Variants in SMYD2 observed in about 807,000 individuals in gnomAD.
The protein encoded by SMYD2 is N-lysine methyltransferase SMYD2.
A neutral mutation model predicts 59.1 loss-of-function variants in SMYD2; 53 were observed. The observed-to-expected ratio is 0.90, with a 90% CI of 0.72 to 1.13. The LOEUF (loss-of-function observed/expected upper bound fraction) is 1.13, where lower values mean the gene tolerates loss of function less well. Ranked by LOEUF, SMYD2 falls within the 50% of genes most tolerant of loss-of-function variation. The pLI is 0.00. For missense variants in SMYD2, 494 were observed against 544.7 expected (o/e 0.91, Z 0.93); for synonymous variants, 208 against 198.8 (o/e 1.05, Z -0.39).
intron 1 of SMYD2, among the ~76,000 whole-genome samples, chr1:214,294,774 G>A (rs914712672): frequency 2.0e-5 from 3 of 152,212 alleles, no homozygotes; most frequent in Non-Finnish European, 2.9e-5. Flanking sequence ...ACCTGACCAT[G>A]TTCTGGGAAC....
chr1:214,330,061 C>T (rs1010591552), intron 7 of SMYD2, 107 bp from the exon 8 acceptor site: 8 of 627,726 alleles, frequency 1.3e-5, no homozygotes, highest in African/African-American at 3.7e-5. Context: ...CGCTGCAGCC[C>T]GCCTTATCCT....
chr1:214,327,387 TTAGA>T (rs753260505), intron 6 of SMYD2: 5 of 452,952 alleles, frequency 1.1e-5, no homozygotes, highest in African/African-American at 5.9e-5. Context: ...TGGTTTTGGC[TTAGA>T]TAGTACTTGA....
At chr1:214,316,001 A>C (rs1472188310) in intron 3 of SMYD2, among the ~76,000 whole-genome samples, 1 of 152,182 alleles carries the variant, frequency 6.6e-6, no homozygotes, top group African/African-American at 2.4e-5. Context: ...TAGACACCTA[A>C]TCTTCGAAGG....
At chr1:214,333,375 C>A (rs1381157940) in intron 10 of SMYD2, 1 of 152,266 alleles carries the variant, frequency 6.6e-6, no homozygotes, top group African/African-American at 2.4e-5. Flanking sequence ...CAGCTCTGGT[C>A]TTCTGTGGGG....
At position 214,334,199 on chromosome 1, in the gene SMYD2, G is replaced by C. The variant is rs747056973; in HGVS notation, c.1113-1G>C. 6.2e-7 allele frequency: 1 copy of C among 1,613,336 alleles called. No individual in the cohort carries two copies. The highest frequency in any genetic ancestry group is 8.5e-7 in the Non-Finnish European group (1 of 1,179,554). The stretch of plus-strand genomic sequence containing the variant: ...GCCTGTTGTCTCTTCTCTTGTTCTA[G>C]TAAGCACTATCCTTTGTACTCCCTC... On this transcript the variant is annotated splice_acceptor_variant, in intron 10 of 11. Coordinates refer to ENST00000366957, the MANE Select transcript of SMYD2 (RefSeq NM_020197.3). LOFTEE classifies it high-confidence loss of function.
intron 1 of SMYD2, among the ~76,000 whole-genome samples, chr1:214,281,750 C>G (rs1656453940): frequency 6.6e-6 from 1 of 152,244 alleles, no homozygotes; most frequent in Non-Finnish European, 1.5e-5. Flanking sequence ...AGGCTTGTTC[C>G]AAGCCTGGGC....
chr1:214,315,986 A>G (rs1657079730), intron 3 of SMYD2, among the ~76,000 whole-genome samples: 1 of 152,238 alleles, frequency 6.6e-6, no homozygotes, highest in Non-Finnish European at 1.5e-5. Context: ...TGATTGCATA[A>G]TAATTAGACA....
At chr1:214,281,452 C>G in intron 1 of SMYD2, 25 bp downstream of exon 1, 1 of 1,353,214 alleles carries the variant, frequency 7.4e-7, no homozygotes, top group South Asian at 2.0e-5. Flanking sequence ...GCGGCGGCGG[C>G]GGGCGGGAGC....
Position 214,281,298 on chromosome 1 carries a change from C to A in SMYD2, c.44C>A (p.Pro15Gln). 1.5e-6 allele frequency: 2 copies of A among 1,356,180 alleles called. No individual in the cohort carries two copies. Among genetic ancestry groups the A allele is most frequent in the South Asian group, 2.0e-5 (1 of 48,810 alleles). The allele number at this position is 1,356,180 out of a possible 1,614,324, so 84.0% of individuals were successfully genotyped here. A position where few individuals can be genotyped will look rare whatever the true frequency, so the allele number is the denominator to read the frequency against. Residue 15 changes from proline (P) to glutamine (Q), a missense_variant, in exon 1 of 12, where the codon CCG (proline) becomes CAG (glutamine). Transcript: ENST00000366957. ...GLGGLERFCSPGKGRGLRALQ... is the reference protein window; with the variant it reads ...GLGGLERFCSQGKGRGLRALQ... ...GGCGGCCTGGAGCGCTTCTGCAGCC[C>A]GGGCAAAGGCCGGGGGCTGCGGGCT...
At chr1:214,293,428 A>G (rs1333071430) in intron 1 of SMYD2, among the ~76,000 whole-genome samples, 2 of 152,196 alleles carry the variant, frequency 1.3e-5, no homozygotes, top group Non-Finnish European at 2.9e-5. Flanking sequence ...TTATTTTACA[A>G]TAATTTAATA....
At chr1:214,316,749 C>T (rs547703056) in intron 3 of SMYD2, among the ~76,000 whole-genome samples, 69 of 152,140 alleles carry the variant, frequency 4.5e-4, no homozygotes, top group African/African-American at 1.6e-3. Context: ...GCCAGCCAGC[C>T]GAGAGTAACA....
intron 9 of SMYD2, chr1:214,331,312 G>A: frequency 2.2e-6 from 1 of 463,688 alleles, no homozygotes; most frequent in Non-Finnish European, 3.9e-6. Context: ...TGTGGTGGAG[G>A]ACCATGAAGG....
chr1:214,307,495 G>A (rs911535649), intron 2 of SMYD2, among the ~76,000 whole-genome samples: 3 of 152,180 alleles, frequency 2.0e-5, no homozygotes, highest in African/African-American at 7.2e-5. Context: ...GAACTTGAGG[G>A]TGCTGATGGT....
rs78144874 is a variant in SMYD2, at chr1:214,321,994, G to A, written c.535-2647G>A. Among the ~76,000 whole-genome samples, 588 of 152,240 alleles carry A rather than the reference G, an allele frequency of 3.9e-3. 4 individuals are homozygous for A. Among genetic ancestry groups the A allele is most frequent in the African/African-American group, 0.013 (545 of 41,550 alleles). ...GCAGTCTTCCACAGTAAGAGGAGCC[G>A]GGAAGGGAATAAAGGGACTGATGGT... is the stretch of plus-strand genomic sequence containing the variant. On this transcript the variant is annotated intron_variant, in intron 5 of 11. Coordinates refer to ENST00000366957, the MANE Select transcript of SMYD2 (RefSeq NM_020197.3).
At chr1:214,302,281 G>A (rs574704167) in intron 1 of SMYD2, among the ~76,000 whole-genome samples, 1 of 151,232 alleles carries the variant, frequency 6.6e-6, no homozygotes, top group Non-Finnish European at 1.5e-5. Context: ...GGAGGCTGCA[G>A]TGAGCCAAGA....
At chr1:214,324,510 A>C (rs1657230480) in intron 5 of SMYD2, 131 bp from the exon 6 acceptor site, 2 of 754,044 alleles carry the variant, frequency 2.7e-6, no homozygotes, top group Admixed American at 5.5e-5. Flanking sequence ...ACATGGGCAA[A>C]AGAAAGGGTT....
chr1:214,316,355 C>A (rs1359414674), intron 3 of SMYD2, among the ~76,000 whole-genome samples: 1 of 152,042 alleles, frequency 6.6e-6, no homozygotes, highest in Admixed American at 6.6e-5. Context: ...GTGGTATACA[C>A]CTGTGGTCCC....
intron 1 of SMYD2, among the ~76,000 whole-genome samples, chr1:214,302,391 C>CT (rs1251072619): frequency 2.0e-5 from 3 of 151,760 alleles, no homozygotes; most frequent in Non-Finnish European, 4.4e-5. Context: ...GCTTAGGCAT[C>CT]TGAAGGTTTA....
chr1:214,281,298 CG>C lies in SMYD2; in HGVS notation c.47del (p.Gly16AlafsTer91). On this transcript the variant is annotated frameshift_variant, in exon 1 of 12. Transcript: ENST00000366957. LOFTEE classifies it high-confidence loss of function. Reference protein sequence around the residue: ...GLGGLERFCSPGKGRGLRALQ... With the variant: ...GLGGLERFCSXGKGRGLRALQ... Reference sequence around the variant, plus strand: ...GGCGGCCTGGAGCGCTTCTGCAGCCCGGGCAAAGGCCGGGGGCTGCGGGCTC... The same window carrying C: ...GGCGGCCTGGAGCGCTTCTGCAGCCCGGCAAAGGCCGGGGGCTGCGGGCTC... The C allele has an allele frequency of 7.4e-7, 1 of 1,356,178 alleles. No homozygotes were observed. 84.0% of individuals were successfully genotyped at this position (1,356,178 alleles called of 1,614,324 possible). A position where few individuals can be genotyped will look rare whatever the true frequency, so the allele number is the denominator to read the frequency against.
Sources: gnomAD v4.1 joint callset for allele counts (sites outside exome capture counted in the v4.1 genomes callset) on GRCh38, gnomAD v4.1.1 for gene constraint, MANE v1.5 for transcripts, NCBI Gene and HGNC (gene_info 2026-07-23, HGNC 2026-07-21) for gene names.